TXNDC9: variants seen among roughly 807,000 people sequenced by gnomAD.
TXNDC9 encodes the protein thioredoxin domain containing 9.
In TXNDC9, 7 loss-of-function variants were observed where a neutral mutation model predicts 23.0. The observed-to-expected ratio is 0.30, with a 90% CI of 0.17 to 0.57. TXNDC9 has a LOEUF of 0.57. TXNDC9 is among the 20% of genes least tolerant of loss of function. TXNDC9 has a pLI of 0.90. For missense variants in TXNDC9, 198 were observed against 252.6 expected, an observed-to-expected ratio of 0.78 and a Z score of 1.47; for synonymous variants, 72 against 90.6, an observed-to-expected ratio of 0.79 and a Z score of 1.17.
At chr2:99,315,730 C>T (rs2094187723), downstream of TXNDC9, among the ~76,000 whole-genome samples, 1 of 152,146 alleles carries the variant, frequency 6.6e-6, no homozygotes, top group African/African-American at 2.4e-5. Context: ...GTCCCAAAAC[C>T]ATTTGTTGAA....
At chr2:99,313,756 G>A in the TXNDC9 span, among the ~76,000 whole-genome samples, 2 of 152,172 alleles carry the variant, frequency 1.3e-5, no homozygotes, top group Admixed American at 6.5e-5. Flanking sequence ...GTCCTCATAA[G>A]CACAAACAGT....
chr2:99,326,767 G>A (rs2094213527), intron 3 of TXNDC9, among the ~76,000 whole-genome samples: 1 of 152,116 alleles, frequency 6.6e-6, no homozygotes, highest in African/African-American at 2.4e-5. Context: ...TGAAAGGTTT[G>A]GCCAAGCCAC....
downstream of TXNDC9, among the ~76,000 whole-genome samples, chr2:99,316,161 GA>G (rs2094188685): frequency 7.0e-6 from 1 of 142,734 alleles, no homozygotes; most frequent in Non-Finnish European, 1.5e-5. Flanking sequence ...ACTGAAAAAT[GA>G]AAAAACAAAA....
At chr2:99,325,165 G>A (rs1324976656) in intron 3 of TXNDC9, among the ~76,000 whole-genome samples, 1 of 152,156 alleles carries the variant, frequency 6.6e-6, no homozygotes, top group African/African-American at 2.4e-5. Context: ...AAGGATAAAA[G>A]CTTGAGGTGA....
chr2:99,309,839 C>A, the TXNDC9 span, among the ~76,000 whole-genome samples: 1 of 151,954 alleles, frequency 6.6e-6, no homozygotes, highest in African/African-American at 2.4e-5. Flanking sequence ...GCATGTACCA[C>A]CACGCCCAGC....
intron 1 of TXNDC9, among the ~76,000 whole-genome samples, chr2:99,334,097 T>C (rs2094232703): frequency 6.6e-6 from 1 of 152,224 alleles, no homozygotes; most frequent in Non-Finnish European, 1.5e-5. Flanking sequence ...ACGCCTGTAA[T>C]CCCAGCACTT....
intron 3 of TXNDC9, among the ~76,000 whole-genome samples, chr2:99,322,962 T>C (rs62153853): frequency 0.83 from 125,865 of 151,394 alleles, 52,893 homozygotes; most frequent in Middle Eastern, 0.98. Flanking sequence ...GGGGTTTCAC[T>C]GTGTTAGCCA....
At position 99,330,030 on chromosome 2, in the gene TXNDC9, C is replaced by T. The variant is rs550068174; in HGVS notation, c.190-2377G>A. On this transcript the variant is annotated intron_variant, in intron 2 of 4. Transcript: ENST00000264255. ...CTAGGCCGGGCGCAGTGGCTCACGC[C>T]TGTAATACTAGCACTTTGGGAGGCT... is the stretch of plus-strand genomic sequence containing the variant. Among the ~76,000 whole-genome samples the T allele has an allele frequency of 2.3e-3, 345 of 151,750 alleles. 4 individuals are homozygous for T. The highest frequency in any genetic ancestry group is 8.1e-3 in the African/African-American group (336 of 41,366).
At chr2:99,317,890 C>T (rs963641080), downstream of TXNDC9, among the ~76,000 whole-genome samples, 4 of 152,148 alleles carry the variant, frequency 2.6e-5, no homozygotes, top group Admixed American at 2.6e-4. Context: ...GGACTAATAA[C>T]AGCTGCCTCT....
intron 3 of TXNDC9, among the ~76,000 whole-genome samples, chr2:99,324,184 C>T (rs2094208609): frequency 6.6e-6 from 1 of 152,168 alleles, no homozygotes; most frequent in African/African-American, 2.4e-5. Flanking sequence ...AATCAAAATT[C>T]TCTGGCAGTG....
downstream of TXNDC9, among the ~76,000 whole-genome samples, chr2:99,316,901 C>T (rs1195247019): frequency 1.3e-5 from 2 of 152,218 alleles, no homozygotes; most frequent in Non-Finnish European, 2.9e-5. Context: ...GGACTACAGG[C>T]GCCCGCCACC....
chr2:99,320,032 G>A (rs1287054800), intron 4 of TXNDC9, among the ~76,000 whole-genome samples: 2 of 152,130 alleles, frequency 1.3e-5, no homozygotes, highest in Admixed American at 1.3e-4. Flanking sequence ...TTTTGAGACA[G>A]GGTCTCACTC....
chr2:99,306,548 C>T, the TXNDC9 span, among the ~76,000 whole-genome samples: 3 of 152,258 alleles, frequency 2.0e-5, no homozygotes, highest in Admixed American at 6.5e-5. Flanking sequence ...CTCTTTCAGT[C>T]GTGAAATGCA....
Position 99,319,448 on chromosome 2 carries a change from T to C in TXNDC9, c.*234A>G, listed in dbSNP as rs1323537588. On this transcript the variant is annotated 3_prime_UTR_variant, in exon 5 of 5. Coordinates refer to ENST00000264255, the MANE Select transcript of TXNDC9 (RefSeq NM_005783.4). ...GAATCATATTGTGATAAAGTCAATC[T>C]CAAAAATAGAGAATCCAGACCCTTC... The C allele has an allele frequency of 2.8e-6, 1 of 362,598 alleles. No individual in the cohort carries two copies. The highest frequency in any genetic ancestry group is 4.7e-5 in the Admixed American group (1 of 21,436). The allele number at this position is 362,598 out of a possible 1,614,324, so 22.5% of individuals were successfully genotyped here.
At chr2:99,306,743 G>A in the TXNDC9 span, 1 of 453,250 alleles carries the variant, frequency 2.2e-6, no homozygotes, top group South Asian at 1.6e-5. Flanking sequence ...TCTCTCGGTG[G>A]TTCAGAACAG....
chr2:99,325,462 A>C (rs1182343092), intron 3 of TXNDC9, among the ~76,000 whole-genome samples: 1 of 152,212 alleles, frequency 6.6e-6, no homozygotes, highest in African/African-American at 2.4e-5. Flanking sequence ...AATATACATG[A>C]AAGCATCCTG....
chr2:99,311,959 A>AAT, the TXNDC9 span, among the ~76,000 whole-genome samples: 4 of 152,014 alleles, frequency 2.6e-5, no homozygotes, highest in East Asian at 3.9e-4. Context: ...AAAAAAGGAA[A>AAT]AATAATAATA....
chr2:99,325,423 C>T (rs2094210936), intron 3 of TXNDC9, among the ~76,000 whole-genome samples: 1 of 152,152 alleles, frequency 6.6e-6, no homozygotes, highest in African/African-American at 2.4e-5. Context: ...ATAAGTGCCT[C>T]TGAAGATTAT....
chr2:99,317,457 C>T (rs987264564), downstream of TXNDC9, among the ~76,000 whole-genome samples: 2 of 152,170 alleles, frequency 1.3e-5, no homozygotes, highest in African/African-American at 4.8e-5. Flanking sequence ...GATGTCCCTC[C>T]TCAGAGTACA....
Sources: gnomAD v4.1 joint callset for allele counts (sites outside exome capture counted in the v4.1 genomes callset) on GRCh38, gnomAD v4.1.1 for gene constraint, MANE v1.5 for transcripts, NCBI Gene and HGNC (gene_info 2026-07-23, HGNC 2026-07-21) for gene names.